Variants in SPATS2L observed in about 807,000 individuals in gnomAD.
SPATS2L encodes SPATS2-like protein.
A neutral mutation model predicts 59.6 loss-of-function variants in SPATS2L; 30 were observed. The ratio of observed to expected loss-of-function variants is 0.50; its 90% CI spans 0.38 to 0.68. The LOEUF is 0.68. Among genes scored for constraint, SPATS2L ranks in the 30% least tolerant of loss-of-function variants. The probability of loss-of-function intolerance (pLI) is 0.00; values close to 1 mark genes in which losing one functional copy is unlikely to be tolerated. For synonymous variants in SPATS2L, 252 were observed against 263.5 expected, an observed-to-expected ratio of 0.96 and a Z score of 0.42; for missense variants, 615 against 700.0, an observed-to-expected ratio of 0.88 and a Z score of 1.37.
At chr2:200,427,468 A>G (rs572478186) in intron 6 of SPATS2L, among the ~76,000 whole-genome samples, 1 of 149,292 alleles carries the variant, frequency 6.7e-6, no homozygotes, top group African/African-American at 2.4e-5. Context: ...ATATACATAT[A>G]TAACATGCAT....
chr2:200,320,823 T>C (rs2105771331), intron 1 of SPATS2L, among the ~76,000 whole-genome samples: 1 of 152,344 alleles, frequency 6.6e-6, no homozygotes, highest in East Asian at 1.9e-4. Context: ...ATGTACAAAA[T>C]AGTTTTTTTA....
At position 200,481,683 on chromosome 2, in the gene SPATS2L, G is replaced by C. The variant is rs191604158; in HGVS notation, c.*3652G>C. ...GACCTATGTAACGGCACCCTTTTTT[G>C]CTGTACGCGTTTTTTGAGATGGAGT... On this transcript the variant is annotated 3_prime_UTR_variant, in exon 13 of 13. Transcript: ENST00000409140. 2 of 152,318 alleles carry C rather than the reference G, an allele frequency of 1.3e-5. No individual in the cohort carries two copies. Among genetic ancestry groups the C allele is most frequent in the Admixed American group, 1.3e-4 (2 of 15,302 alleles). The allele number at this position is 152,318 out of a possible 1,614,324, so 9.4% of individuals were successfully genotyped here. A position where few individuals can be genotyped will look rare whatever the true frequency, so the allele number is the denominator to read the frequency against.
intron 2 of SPATS2L, among the ~76,000 whole-genome samples, chr2:200,380,200 C>T (rs977599172): frequency 5.3e-5 from 8 of 152,142 alleles, no homozygotes; most frequent in Admixed American, 1.3e-4. Flanking sequence ...CTGTCCTTTG[C>T]TCTTTTGTGC....
chr2:200,408,765 G>A (rs966239774), intron 3 of SPATS2L, among the ~76,000 whole-genome samples: 4 of 152,260 alleles, frequency 2.6e-5, no homozygotes, highest in Non-Finnish European at 4.4e-5. Context: ...AGGCCAGCAG[G>A]GCGGGCCTGA....
intron 11 of SPATS2L, among the ~76,000 whole-genome samples, chr2:200,471,066 A>G (rs2086991965): frequency 6.6e-6 from 1 of 152,136 alleles, no homozygotes; most frequent in African/African-American, 2.4e-5. Context: ...AGGCTGAGGC[A>G]GGAGAATCAC....
At chr2:200,361,276 GAGAA>G (rs1432305098) in intron 2 of SPATS2L, among the ~76,000 whole-genome samples, 1 of 152,104 alleles carries the variant, frequency 6.6e-6, no homozygotes, top group East Asian at 1.9e-4. Flanking sequence ...AATGTCATGA[GAGAA>G]AGAGAGAGAA....
intron 5 of SPATS2L, among the ~76,000 whole-genome samples, chr2:200,416,874 A>G (rs1410022734): frequency 6.6e-6 from 1 of 152,188 alleles, no homozygotes; most frequent in Admixed American, 6.5e-5. Context: ...TTTTGGCCGA[A>G]TTCTAAGGTA....
intron 2 of SPATS2L, among the ~76,000 whole-genome samples, chr2:200,373,609 T>G (rs529956699): frequency 2.0e-5 from 3 of 152,354 alleles, no homozygotes; most frequent in African/African-American, 7.2e-5. Flanking sequence ...GTAAATTATG[T>G]AATATTTGGT....
chr2:200,329,027 A>ATT (rs1417867678), intron 1 of SPATS2L, among the ~76,000 whole-genome samples: 3 of 152,190 alleles, frequency 2.0e-5, no homozygotes, highest in Non-Finnish European at 4.4e-5. Context: ...AGTGCCAGTA[A>ATT]TACCAGGGCC....
chr2:200,467,466 C>A, intron 10 of SPATS2L, 67 bp downstream of exon 10: 1 of 1,140,360 alleles, frequency 8.8e-7, no homozygotes, highest in Non-Finnish European at 1.3e-6. Flanking sequence ...GTTTGTTTTG[C>A]ATCCACAGAG....
chr2:200,366,296 A>G (rs1220301101), intron 2 of SPATS2L, among the ~76,000 whole-genome samples: 1 of 152,166 alleles, frequency 6.6e-6, no homozygotes, highest in Non-Finnish European at 1.5e-5. Context: ...TTTTGTGCTG[A>G]TATTTCTGTC....
chr2:200,373,532 G>A lies in SPATS2L; in HGVS notation c.-22-15691G>A, dbSNP rs186915185. On this transcript the variant is annotated intron_variant, in intron 2 of 12. Transcript: ENST00000409140. ...ATACCTCCTCGCATTTTTAAGAGAA[G>A]CATTTAGTAAAACAAACAAGAGTGT... Among the ~76,000 whole-genome samples, 20 of 152,288 alleles carry A rather than the reference G, an allele frequency of 1.3e-4. No individual in the cohort carries two copies. In the East Asian group the frequency reaches 3.7e-3, roughly 28 times the overall value.
At chr2:200,343,603 ATAAT>A (rs916686055) in intron 2 of SPATS2L, among the ~76,000 whole-genome samples, 15 of 152,302 alleles carry the variant, frequency 9.8e-5, no homozygotes, top group African/African-American at 3.6e-4. Flanking sequence ...TGCTAAGGAA[ATAAT>A]TAAAGATATG....
chr2:200,398,769 G>C (rs1441658157), intron 3 of SPATS2L, among the ~76,000 whole-genome samples: 1 of 152,144 alleles, frequency 6.6e-6, no homozygotes, highest in African/African-American at 2.4e-5. Flanking sequence ...AGACCAAAAG[G>C]GAGACTGTGC....
At chr2:200,432,760 G>T (rs534588580) in intron 6 of SPATS2L, among the ~76,000 whole-genome samples, 1 of 152,212 alleles carries the variant, frequency 6.6e-6, no homozygotes, top group African/African-American at 2.4e-5. Flanking sequence ...AAAAGAAGAT[G>T]GATATATAAT....
chr2:200,434,333 G>T (rs761622563), intron 6 of SPATS2L, among the ~76,000 whole-genome samples: 1 of 152,010 alleles, frequency 6.6e-6, no homozygotes, highest in Non-Finnish European at 1.5e-5. Flanking sequence ...ACTGAATGCA[G>T]TTTCCCTAAG....
At chr2:200,389,309 A>G in intron 3 of SPATS2L, 26 bp downstream of exon 3, 2 of 1,527,184 alleles carry the variant, frequency 1.3e-6, no homozygotes, top group Non-Finnish European at 1.8e-6. Context: ...ACGTTGGCTC[A>G]CAGAAACTCC....
chr2:200,400,944 T>C lies in SPATS2L; in HGVS notation c.40-11367T>C, dbSNP rs77300660. Among the ~76,000 whole-genome samples the C allele has an allele frequency of 3.3e-3, 496 of 152,354 alleles. 9 individuals carry two copies. Among genetic ancestry groups the C allele is most frequent in the Admixed American group, 0.021 (320 of 15,296 alleles). ...ACTGTATTTTTCAAAGAGACAACAA[T>C]AGTATCTTCCCCCATTAAAAGATGG... On this transcript the variant is annotated intron_variant, in intron 3 of 12. Coordinates refer to ENST00000409140, the MANE Select transcript of SPATS2L (RefSeq NM_001100423.2).
intron 2 of SPATS2L, among the ~76,000 whole-genome samples, chr2:200,369,059 A>G (rs1307910789): frequency 7.1e-6 from 1 of 141,038 alleles, no homozygotes; most frequent in African/African-American, 2.7e-5. Flanking sequence ...AATGATTAGA[A>G]TTAGAGATTT....
Sources: allele counts gnomAD v4.1 joint callset (sites outside exome capture counted in the v4.1 genomes callset), GRCh38; gene constraint gnomAD v4.1.1; transcripts MANE v1.5; gene names NCBI Gene and HGNC (gene_info 2026-07-23, HGNC 2026-07-21).